The following MRLN variants were observed in gnomAD, a reference collection of about 807,000 sequenced individuals.
MRLN encodes myoregulin.
At chr10:59,748,165 G>C (rs896356094) in intron 1 of MRLN, among the ~76,000 whole-genome samples, 3 of 151,648 alleles carry the variant, frequency 2.0e-5, no homozygotes, top group Non-Finnish European at 4.4e-5. Flanking sequence ...GGCACAGGAC[G>C]TGCAGGGTTT....
intron 1 of MRLN, among the ~76,000 whole-genome samples, chr10:59,742,818 T>C (rs1840998908): frequency 6.6e-6 from 1 of 152,058 alleles, no homozygotes; most frequent in South Asian, 2.1e-4. Context: ...AGCCTTGAAC[T>C]CCTGGACTCA....
chr10:59,750,138 T>A (rs2132595908), intron 1 of MRLN, among the ~76,000 whole-genome samples: 1 of 137,882 alleles, frequency 7.3e-6, no homozygotes, highest in South Asian at 2.6e-4. Flanking sequence ...AATGGCACAA[T>A]CTTGGCTCAC....
At chr10:59,741,929 C>A (rs910697715) in intron 1 of MRLN, among the ~76,000 whole-genome samples, 1 of 152,180 alleles carries the variant, frequency 6.6e-6, no homozygotes, top group South Asian at 2.1e-4. Flanking sequence ...CCTGGGAGAA[C>A]AGGAGTGCGA....
chr10:59,752,435 G>C (rs1462229850), intron 1 of MRLN, among the ~76,000 whole-genome samples: 1 of 152,158 alleles, frequency 6.6e-6, no homozygotes, highest in South Asian at 2.1e-4. Flanking sequence ...TTTTACAAAT[G>C]AGCAAACTGA....
intron 1 of MRLN, among the ~76,000 whole-genome samples, chr10:59,751,432 C>A (rs994451399): frequency 1.3e-5 from 2 of 151,788 alleles, no homozygotes; most frequent in Non-Finnish European, 2.9e-5. Flanking sequence ...GAGACCAAGG[C>A]GGTGGTTCAC....
At chr10:59,752,778 A>C in intron 1 of MRLN, among the ~76,000 whole-genome samples, 1 of 151,354 alleles carries the variant, frequency 6.6e-6, no homozygotes, top group Non-Finnish European at 1.5e-5. Context: ...TCTCAGAAGC[A>C]CCCAGCATAA....
At chr10:59,743,658 G>C (rs1184405616) in intron 1 of MRLN, among the ~76,000 whole-genome samples, 1 of 152,024 alleles carries the variant, frequency 6.6e-6, no homozygotes, top group African/African-American at 2.4e-5. Flanking sequence ...AATGAATCAT[G>C]GGTCGTTCCC....
intron 1 of MRLN, among the ~76,000 whole-genome samples, chr10:59,747,361 T>G (rs1841053378): frequency 6.6e-6 from 1 of 152,236 alleles, no homozygotes; most frequent in African/African-American, 2.4e-5. Flanking sequence ...ACGTTAACTC[T>G]GTGCCTCAGT....
chr10:59,749,510 A>G (rs1309283384), intron 1 of MRLN, among the ~76,000 whole-genome samples: 1 of 152,178 alleles, frequency 6.6e-6, no homozygotes, highest in African/African-American at 2.4e-5. Flanking sequence ...CTTGGCCAAC[A>G]TGGCAAAACC....
chr10:59,750,220 C>T (rs1841087406), intron 1 of MRLN, among the ~76,000 whole-genome samples: 1 of 151,848 alleles, frequency 6.6e-6, no homozygotes, highest in African/African-American at 2.4e-5. Flanking sequence ...TACAGGCTCC[C>T]ACCACCACAC....
chr10:59,743,836 C>T (rs531562277), intron 1 of MRLN, among the ~76,000 whole-genome samples: 2 of 152,260 alleles, frequency 1.3e-5, no homozygotes, highest in Non-Finnish European at 1.5e-5. Context: ...GACTGGTTTT[C>T]GTATTTTTTG....
chr10:59,747,087 A>G (rs1841051115), intron 1 of MRLN, among the ~76,000 whole-genome samples: 1 of 152,244 alleles, frequency 6.6e-6, no homozygotes, highest in Admixed American at 6.5e-5. Context: ...GGCGTGAGCC[A>G]CTGCTCCCAG....
chr10:59,738,178 A>G (rs1370114583), intron 2 of MRLN: 2 of 152,220 alleles, frequency 1.3e-5, no homozygotes, highest in Admixed American at 6.5e-5. Context: ...CAAATTATAC[A>G]ATAATCATTA....
At chr10:59,742,158 T>C (rs1840990649) in intron 1 of MRLN, among the ~76,000 whole-genome samples, 1 of 152,214 alleles carries the variant, frequency 6.6e-6, no homozygotes, top group Admixed American at 6.5e-5. Context: ...TGTAATAGCT[T>C]CAATATGGAA....
In MRLN at chr10:59,745,071, TC is replaced by T; in HGVS notation, c.-124-6510del. Among the ~76,000 whole-genome samples the T allele has an allele frequency of 2.7e-5, 4 of 146,856 alleles. 1 individual carries two copies. Among genetic ancestry groups the T allele is most frequent in the Admixed American group, 2.7e-4 (4 of 14,688 alleles). ...ACTATTGTCCTATGACCCTGCCAAA[TC>T]CCCCTCTCTGAGAAACACCCAAGAA... is the stretch of plus-strand genomic sequence containing the variant. On this transcript the variant is annotated intron_variant, in intron 1 of 2. Coordinates refer to ENST00000414264, the MANE Select transcript of MRLN (RefSeq NM_001304731.2).
At chr10:59,744,376 T>C (rs1461358474) in intron 1 of MRLN, 1 of 144,512 alleles carries the variant, frequency 6.9e-6, no homozygotes, top group East Asian at 2.1e-4. Flanking sequence ...AGGTGAGGAG[T>C]GTCTCTGACC....
intron 1 of MRLN, among the ~76,000 whole-genome samples, chr10:59,751,847 T>C (rs10821584): frequency 0.23 from 34,479 of 151,938 alleles, 4,478 homozygotes; most frequent in African/African-American, 0.35. Flanking sequence ...CCAATCATAT[T>C]TCCTGAGTTA....
In MRLN at chr10:59,747,352, C is replaced by T. The variant is rs961015970; in HGVS notation, c.-125+6002G>A. 5.9e-5 allele frequency among the ~76,000 whole-genome samples: 9 copies of T among 152,164 alleles called. No individual in the cohort carries two copies. In the South Asian group the frequency reaches 1.2e-3, roughly 21 times the overall value. On this transcript the variant is annotated intron_variant, in intron 1 of 2. Coordinates refer to ENST00000414264, the MANE Select transcript of MRLN (RefSeq NM_001304731.2). The stretch of plus-strand genomic sequence containing the variant: ...TGTGCATGAGATCTTAAGCAAGCTA[C>T]GTTAACTCTGTGCCTCAGTTGGCAC...
chr10:59,742,992 A>G (rs1321951179), intron 1 of MRLN, among the ~76,000 whole-genome samples: 1 of 151,966 alleles, frequency 6.6e-6, no homozygotes, highest in African/African-American at 2.4e-5. Flanking sequence ...AGCCTCCCAA[A>G]GTGGTGGGAT....
Sources: gnomAD v4.1 joint callset for allele counts (sites outside exome capture counted in the v4.1 genomes callset) on GRCh38, gnomAD v4.1.1 for gene constraint, MANE v1.5 for transcripts, NCBI Gene and HGNC (gene_info 2026-07-23, HGNC 2026-07-21) for gene names.